Variants in SCAPER observed in about 807,000 individuals in gnomAD.
The protein encoded by SCAPER is S-phase cyclin A associated protein in the ER.
In SCAPER, 98 loss-of-function variants were observed where a neutral mutation model predicts 182.2. The ratio of observed to expected loss-of-function variants is 0.54; its 90% CI spans 0.46 to 0.64. The LOEUF (loss-of-function observed/expected upper bound fraction) is 0.64, where lower values mean the gene tolerates loss of function less well. Among genes scored for constraint, SCAPER ranks in the 30% least tolerant of loss-of-function variants. The probability of loss-of-function intolerance (pLI) is 0.00; values close to 1 mark genes in which losing one functional copy is unlikely to be tolerated. For synonymous variants in SCAPER, 605 were observed against 564.6 expected, an observed-to-expected ratio of 1.07 and a Z score of -1.01; for missense variants, 1,432 against 1,690.0, an observed-to-expected ratio of 0.85 and a Z score of 2.68.
At chr15:76,766,679 C>T (rs1371690246) in intron 11 of SCAPER, among the ~76,000 whole-genome samples, 5 of 152,160 alleles carry the variant, frequency 3.3e-5, no homozygotes, top group Non-Finnish European at 7.4e-5. Flanking sequence ...ATAACAACTT[C>T]TAACTTGTCA....
At chr15:76,537,849 A>G (rs1039388023) in intron 23 of SCAPER, among the ~76,000 whole-genome samples, 9 of 152,224 alleles carry the variant, frequency 5.9e-5, no homozygotes, top group Non-Finnish European at 1.0e-4. Context: ...CAGAATCTAC[A>G]ATCAACTCAA....
intron 2 of SCAPER, among the ~76,000 whole-genome samples, chr15:76,880,264 A>T (rs2073448852): frequency 2.0e-5 from 3 of 152,238 alleles, no homozygotes; most frequent in Admixed American, 2.0e-4. Flanking sequence ...CAGGAGTTAT[A>T]GAAATACAAA....
chr15:76,741,358 C>T (rs966226272), intron 15 of SCAPER, among the ~76,000 whole-genome samples: 1 of 152,000 alleles, frequency 6.6e-6, no homozygotes, highest in African/African-American at 2.4e-5. Context: ...AATATGGCCA[C>T]TATTTTAAAT....
chr15:76,382,089 G>C (rs1481211505), intron 27 of SCAPER, among the ~76,000 whole-genome samples: 5 of 152,146 alleles, frequency 3.3e-5, no homozygotes, highest in African/African-American at 9.7e-5. Context: ...ACTGTGGTAG[G>C]GAGATTCTTC....
chr15:76,887,276 T>G (rs563714234), intron 1 of SCAPER, among the ~76,000 whole-genome samples: 1 of 152,182 alleles, frequency 6.6e-6, no homozygotes, highest in Admixed American at 6.5e-5. Context: ...CCAACTGATG[T>G]ACCTGCTTAA....
chr15:76,525,966 C>T lies in SCAPER; in HGVS notation c.2839-20992G>A, dbSNP rs115244906. On this transcript the variant is annotated intron_variant, in intron 23 of 31. Transcript: ENST00000563290. ...TTTCCACAGTGGCTGGACTAATTTA[C>T]GTTCCCACCAACAGAGTAGACGCAT... 4.4e-3 allele frequency among the ~76,000 whole-genome samples: 670 copies of T among 152,272 alleles called. 5 individuals carry two copies. Among genetic ancestry groups the T allele is most frequent in the African/African-American group, 0.015 (628 of 41,552 alleles).
intron 25 of SCAPER, among the ~76,000 whole-genome samples, chr15:76,440,912 T>G (rs1006157962): frequency 3.4e-5 from 2 of 58,570 alleles, no homozygotes; most frequent in Non-Finnish European, 7.7e-5. Context: ...TTCTGGTTTT[T>G]TTTTTGTTTT....
intron 15 of SCAPER, among the ~76,000 whole-genome samples, chr15:76,746,916 T>C (rs1323101126): frequency 2.0e-5 from 3 of 152,182 alleles, no homozygotes; most frequent in African/African-American, 7.2e-5. Flanking sequence ...AGACTAATAT[T>C]GTTAAGATGG....
chr15:76,559,201 A>ATTTTTTTTTTTTTTTTTTT (rs58642207), intron 23 of SCAPER, among the ~76,000 whole-genome samples: 4 of 121,824 alleles, frequency 3.3e-5, no homozygotes, highest in African/African-American at 3.8e-5. Flanking sequence ...CACCCAGCTA[A>ATTTTTTTTTTTTTTTTTTT]TTTTTTTTTT....
chr15:76,733,511 G>A (rs1203476044), intron 15 of SCAPER, 127 bp from the exon 16 acceptor site: 1 of 1,091,236 alleles, frequency 9.2e-7, no homozygotes, highest in African/African-American at 1.6e-5. Context: ...CACTTTGGGA[G>A]GCTGAGGAAG....
intron 21 of SCAPER, among the ~76,000 whole-genome samples, chr15:76,637,646 C>T (rs1363715105): frequency 6.6e-6 from 1 of 150,598 alleles, no homozygotes; most frequent in Non-Finnish European, 1.5e-5. Context: ...TTCAAGATTA[C>T]AGTGAACTAT....
At chr15:76,828,092 T>C (rs2068159478) in intron 5 of SCAPER, among the ~76,000 whole-genome samples, 1 of 152,090 alleles carries the variant, frequency 6.6e-6, no homozygotes, top group South Asian at 2.1e-4. Flanking sequence ...CCCCTCACCA[T>C]GTGATGTCCT....
intron 23 of SCAPER, among the ~76,000 whole-genome samples, chr15:76,516,524 C>G (rs1325779619): frequency 1.3e-5 from 2 of 152,136 alleles, no homozygotes; most frequent in African/African-American, 4.8e-5. Flanking sequence ...TCATCCATGT[C>G]TCTGTAAAGG....
chr15:76,865,902 G>C (rs1298202711), intron 2 of SCAPER, among the ~76,000 whole-genome samples: 1 of 151,998 alleles, frequency 6.6e-6, no homozygotes, highest in Non-Finnish European at 1.5e-5. Flanking sequence ...GACTCATTAA[G>C]GTCTTTCACT....
At chr15:76,544,181 C>T (rs1052336241) in intron 23 of SCAPER, among the ~76,000 whole-genome samples, 2 of 152,004 alleles carry the variant, frequency 1.3e-5, no homozygotes, top group African/African-American at 4.8e-5. Flanking sequence ...ATAACAAGGA[C>T]GTAGAAAAAT....
intron 23 of SCAPER, among the ~76,000 whole-genome samples, chr15:76,518,984 A>G (rs2042647971): frequency 1.3e-5 from 2 of 152,220 alleles, no homozygotes; most frequent in Non-Finnish European, 2.9e-5. Flanking sequence ...TGCTGCTACT[A>G]TTAGCTAGTG....
At chr15:76,751,085 C>T (rs543075915) in intron 15 of SCAPER, among the ~76,000 whole-genome samples, 1 of 151,818 alleles carries the variant, frequency 6.6e-6, no homozygotes, top group African/African-American at 2.4e-5. Context: ...TTTCTATACA[C>T]TAACAAGGAA....
At chr15:76,828,730 G>C (rs554032972) in intron 5 of SCAPER, among the ~76,000 whole-genome samples, 3 of 152,192 alleles carry the variant, frequency 2.0e-5, no homozygotes, top group Non-Finnish European at 4.4e-5. Flanking sequence ...ACAATGGTGA[G>C]GTAACAGAAG....
At chr15:76,415,168 G>C (rs2142262774) in intron 26 of SCAPER, among the ~76,000 whole-genome samples, 1 of 152,256 alleles carries the variant, frequency 6.6e-6, no homozygotes, top group South Asian at 2.1e-4. Context: ...TTTTTTTGAT[G>C]ATGGGAACTA....
Sources: allele counts gnomAD v4.1 joint callset (sites outside exome capture counted in the v4.1 genomes callset), GRCh38; gene constraint gnomAD v4.1.1; transcripts MANE v1.5; gene names NCBI Gene and HGNC (gene_info 2026-07-23, HGNC 2026-07-21).